The following SH3BP4 variants were observed in gnomAD, a reference collection of about 807,000 sequenced individuals.
SH3BP4 encodes SH3 domain binding protein 4.
A neutral mutation model predicts 65.5 loss-of-function variants in SH3BP4; 33 were observed. The ratio of observed to expected loss-of-function variants is 0.50; its 90% CI spans 0.38 to 0.67. The LOEUF is 0.67. Among genes scored for constraint, SH3BP4 ranks in the 30% least tolerant of loss-of-function variants. SH3BP4 has a pLI of 0.00. For missense variants in SH3BP4, 1,134 were observed against 1,261.4 expected, an observed-to-expected ratio of 0.90 and a Z score of 1.53; for synonymous variants, 552 against 545.5, an observed-to-expected ratio of 1.01 and a Z score of -0.17.
chr2:234,998,521 C>G (rs1429814105), intron 2 of SH3BP4, among the ~76,000 whole-genome samples: 1 of 152,254 alleles, frequency 6.6e-6, no homozygotes, highest in African/African-American at 2.4e-5. Flanking sequence ...TCCAAAGTTC[C>G]TATCCCTTTG....
Position 235,053,839 on chromosome 2 carries a change from G to A in SH3BP4, c.*23G>A, listed in dbSNP as rs774296563. 2.6e-6 allele frequency: 4 copies of A among 1,554,206 alleles called. No individual in the cohort carries two copies. Among genetic ancestry groups the A allele is most frequent in the Non-Finnish European group, 2.7e-6 (3 of 1,125,798 alleles). ...TGAATGGGTCCCCTCCCCTCCTGCT[G>A]CTCTGGAGTGCAAGCCCTCTTCTGC... On this transcript the variant is annotated 3_prime_UTR_variant, in exon 6 of 6. Coordinates refer to ENST00000392011, the MANE Select transcript of SH3BP4 (RefSeq NM_014521.3).
At chr2:234,954,088 T>G (rs923882756) in intron 1 of SH3BP4, among the ~76,000 whole-genome samples, 4 of 151,820 alleles carry the variant, frequency 2.6e-5, no homozygotes, top group Admixed American at 6.6e-5. Flanking sequence ...TTCCTAGAGA[T>G]TTGTATGGCT....
intron 2 of SH3BP4, among the ~76,000 whole-genome samples, chr2:235,031,855 T>TGGA (rs1695214404): frequency 6.6e-6 from 1 of 152,246 alleles, no homozygotes; most frequent in African/African-American, 2.4e-5. Flanking sequence ...GCAGCCTGCG[T>TGGA]GGAGCCCCAG....
chr2:235,040,954 C>G lies in SH3BP4; in HGVS notation c.185C>G (p.Ala62Gly). The change falls in exon 4 of 6, where the codon GCG (alanine) becomes GGG (glycine). Residue 62 changes from alanine (A) to glycine (G), a missense_variant. Transcript: ENST00000392011. ...TPFGNAKEVI[A>G]IKDYCPTNFT... is the part of the protein sequence containing the mutation. ...TTCGGAAATGCAAAGGAAGTGATTG[C>G]GATCAAGGACTATTGCCCCACCAAC... is the stretch of plus-strand genomic sequence containing the variant. 1 of 1,614,126 alleles carries G rather than the reference C, an allele frequency of 6.2e-7. No individual in the cohort carries two copies.
At chr2:235,029,335 C>T (rs921469584) in intron 2 of SH3BP4, among the ~76,000 whole-genome samples, 1 of 152,148 alleles carries the variant, frequency 6.6e-6, no homozygotes, top group Non-Finnish European at 1.5e-5. Context: ...CCAGAGTTGG[C>T]TTTGGATCCA....
chr2:235,002,314 C>G (rs913521453), intron 2 of SH3BP4, among the ~76,000 whole-genome samples: 1 of 152,166 alleles, frequency 6.6e-6, no homozygotes, highest in African/African-American at 2.4e-5. Context: ...TTATAGTTTG[C>G]CAAGCTGTCT....
intron 2 of SH3BP4, among the ~76,000 whole-genome samples, chr2:235,017,909 G>C (rs1694740156): frequency 6.6e-6 from 1 of 152,140 alleles, no homozygotes. Context: ...CAAGACTCTT[G>C]GTGGGTCCAC....
chr2:235,011,368 T>A (rs1226619493), intron 2 of SH3BP4, among the ~76,000 whole-genome samples: 3 of 152,222 alleles, frequency 2.0e-5, no homozygotes, highest in Admixed American at 1.3e-4. Context: ...GATTTAAATT[T>A]CCCTCTTATA....
intron 1 of SH3BP4, among the ~76,000 whole-genome samples, chr2:234,962,222 C>T (rs768550198): frequency 4.3e-4 from 66 of 152,124 alleles, no homozygotes; most frequent in Non-Finnish European, 5.6e-4. Flanking sequence ...CCACAACCTC[C>T]GCCTCCCAGG....
At chr2:234,996,320 T>C (rs1387667447) in intron 2 of SH3BP4, among the ~76,000 whole-genome samples, 5 of 152,232 alleles carry the variant, frequency 3.3e-5, no homozygotes, top group African/African-American at 1.2e-4. Context: ...GGTTTTTCTT[T>C]AAATCCTGTA....
chr2:235,030,442 G>A lies in SH3BP4; in HGVS notation c.-132-4429G>A, dbSNP rs922397207. The stretch of plus-strand genomic sequence containing the variant: ...GGTACCTGCTGCCTAGGGCCCTTGA[G>A]GACGCAGTGGGATGGTGCCTGGTGG... On this transcript the variant is annotated intron_variant, in intron 2 of 5. Transcript: ENST00000392011. This position sits in a 1 kb window ranked among gnomAD's most constrained non-coding sequence, Gnocchi z 4.1. 9.2e-5 allele frequency among the ~76,000 whole-genome samples: 14 copies of A among 152,322 alleles called. 1 individual carries two copies. The highest frequency in any genetic ancestry group is 5.2e-4 in the Admixed American group (8 of 15,306).
chr2:234,987,395 G>A (rs553465795), intron 1 of SH3BP4, among the ~76,000 whole-genome samples: 30 of 152,120 alleles, frequency 2.0e-4, no homozygotes, highest in Non-Finnish European at 3.4e-4. Context: ...TAAAGCAAGA[G>A]AAACCCACAT....
intron 3 of SH3BP4, among the ~76,000 whole-genome samples, chr2:235,038,495 G>T (rs1274082981): frequency 7.1e-6 from 1 of 141,714 alleles, no homozygotes; most frequent in African/African-American, 2.6e-5. Flanking sequence ...AGAAAAGCAT[G>T]CAAACTTACT....
chr2:235,037,611 G>A (rs60988860), intron 3 of SH3BP4, among the ~76,000 whole-genome samples: 3,655 of 152,264 alleles, frequency 0.024, 160 homozygotes, highest in African/African-American at 0.081. Context: ...GCATAATAAG[G>A]ACATAACCTT....
intron 1 of SH3BP4, among the ~76,000 whole-genome samples, chr2:234,970,039 A>G: frequency 7.0e-6 from 1 of 142,796 alleles, no homozygotes; most frequent in South Asian, 2.1e-4. Flanking sequence ...ACTCACAAAT[A>G]CACTTACTCA....
chr2:234,956,658 A>G (rs974515938), intron 1 of SH3BP4, among the ~76,000 whole-genome samples: 1 of 151,280 alleles, frequency 6.6e-6, no homozygotes, highest in African/African-American at 2.4e-5. Flanking sequence ...GGCTCAAGCA[A>G]TCCTTCTTCC....
chr2:234,971,042 C>T (rs554873324), intron 1 of SH3BP4, among the ~76,000 whole-genome samples: 13 of 152,306 alleles, frequency 8.5e-5, no homozygotes, highest in African/African-American at 2.9e-4. Flanking sequence ...TGGTAAAAGA[C>T]ATAATATAAA....
At chr2:235,005,385 G>C (rs549170005) in intron 2 of SH3BP4, among the ~76,000 whole-genome samples, 50 of 152,160 alleles carry the variant, frequency 3.3e-4, no homozygotes, top group African/African-American at 1.2e-3. Flanking sequence ...CCCCTGACTG[G>C]GGGTCCCTGT....
chr2:234,970,401 T>C (rs1315939457), intron 1 of SH3BP4, among the ~76,000 whole-genome samples: 1 of 152,220 alleles, frequency 6.6e-6, no homozygotes, highest in South Asian at 2.1e-4. Flanking sequence ...GACCTCTGGC[T>C]TTTTAATTTT....
Sources: allele counts gnomAD v4.1 joint callset (sites outside exome capture counted in the v4.1 genomes callset), GRCh38; gene constraint gnomAD v4.1.1; non-coding constraint Gnocchi (gnomAD v3.1); transcripts MANE v1.5; gene names NCBI Gene and HGNC (gene_info 2026-07-23, HGNC 2026-07-21).